ANKRD66: variants seen among roughly 807,000 people sequenced by gnomAD.
The protein encoded by ANKRD66 is ankyrin repeat domain-containing protein 66.
In ANKRD66, 10 loss-of-function variants were observed where a neutral mutation model predicts 10.9. That is an observed-to-expected ratio of 0.91 (90% CI 0.56 to 1.55). The LOEUF is 1.55. ANKRD66 is among the 40% of genes most tolerant of loss of function. ANKRD66 has a pLI of 0.00. For missense variants in ANKRD66, 252 were observed against 242.9 expected (o/e 1.04, Z -0.25); for synonymous variants, 85 against 88.4 (o/e 0.96, Z 0.22).
chr6:46,749,166 G>A (rs1766208841), intron 1 of ANKRD66, among the ~76,000 whole-genome samples: 1 of 152,202 alleles, frequency 6.6e-6, no homozygotes, highest in African/African-American at 2.4e-5. Flanking sequence ...CCACTGCCCA[G>A]GCCCTGCTGG....
rs372121909 is a variant in ANKRD66, at chr6:46,758,933, T to C, written c.*12T>C. 36 of 1,529,204 alleles carry C rather than the reference T, an allele frequency of 2.4e-5. No individual in the cohort carries two copies. In the African/African-American group the frequency reaches 4.1e-4, roughly 17 times the overall value. 94.7% of individuals were successfully genotyped at this position (1,529,204 alleles called of 1,614,324 possible). A position where few individuals can be genotyped will look rare whatever the true frequency, so the allele number is the denominator to read the frequency against. On this transcript the variant is annotated 3_prime_UTR_variant, in exon 5 of 5. Coordinates refer to ENST00000565422, the MANE Select transcript of ANKRD66 (RefSeq NM_001162435.3). ...GGAGGAGAGTATGAGAACTCAACCT[T>C]ATGTTTTCTGGCAAGGAACTTTCCC... is the stretch of plus-strand genomic sequence containing the variant.
rs890291855 is a variant in ANKRD66, at chr6:46,758,883, C to T, written c.553C>T (p.Pro185Ser). Reference sequence around the variant, plus strand: ...TAAAAAGAATAAGAAAAGTCGAGGCCCCACCAGGCCCAGCAATACCAAGGG... The same window carrying T: ...TAAAAAGAATAAGAAAAGTCGAGGCTCCACCAGGCCCAGCAATACCAAGGG... ...MNKKNKKSRG[P>S]TRPSNTKGRR... The change falls in exon 5 of 5, where the codon CCC (proline) becomes TCC (serine). Residue 185 changes from proline to serine, a missense_variant. By Grantham distance (74) the Pro-to-Ser change is moderately conservative (BLOSUM62 -1). Coordinates refer to ENST00000565422, the MANE Select transcript of ANKRD66 (RefSeq NM_001162435.3). The T allele has an allele frequency of 1.3e-4, 197 of 1,551,410 alleles. No homozygotes were observed. Among genetic ancestry groups the T allele is most frequent in the Non-Finnish European group, 1.7e-4 (194 of 1,146,826 alleles).
intron 1 of ANKRD66, among the ~76,000 whole-genome samples, 188 bp downstream of exon 1, chr6:46,747,178 C>A (rs1449303099): frequency 6.6e-6 from 1 of 151,956 alleles, no homozygotes; most frequent in Non-Finnish European, 1.5e-5. Flanking sequence ...ACTAAAGGAA[C>A]CAATTGATAA....
At chr6:46,757,028 C>G (rs1303464833) in intron 4 of ANKRD66, 1 of 152,102 alleles carries the variant, frequency 6.6e-6, no homozygotes, top group Non-Finnish European at 1.5e-5. Flanking sequence ...AACTGAAATG[C>G]AGGAGGGGTG....
At chr6:46,750,197 C>A (rs190926133) in intron 2 of ANKRD66, among the ~76,000 whole-genome samples, 3 of 152,138 alleles carry the variant, frequency 2.0e-5, no homozygotes, top group Non-Finnish European at 4.4e-5. Context: ...CAGCTCTCAA[C>A]CTTTTCGTTC....
At position 46,758,778 on chromosome 6, in the gene ANKRD66, C is replaced by G; in HGVS notation, c.448C>G (p.Leu150Val). ...CGCTGCCCAGCAGAAGGGGCTGCCT[C>G]TGGATGAGCGTGATGAAGACTGGGA... ...RCAAQQKGLP[L>V]DERDEDWDAK... The change falls in exon 5 of 5, where the codon CTG becomes GTG. Residue 150 changes from leucine (L) to valine (V), a missense_variant. By Grantham distance (32) the Leu-to-Val change is conservative. Coordinates refer to ENST00000565422, the MANE Select transcript of ANKRD66 (RefSeq NM_001162435.3). The G allele has an allele frequency of 6.4e-7, 1 of 1,551,282 alleles. No homozygotes were observed. Among genetic ancestry groups the G allele is most frequent in the Admixed American group, 2.0e-5 (1 of 51,004 alleles).
At chr6:46,749,632 T>C (rs1387705921) in intron 1 of ANKRD66, among the ~76,000 whole-genome samples, 4 of 144,344 alleles carry the variant, frequency 2.8e-5, no homozygotes, top group Non-Finnish European at 6.0e-5. Context: ...AAAAGTTTAT[T>C]GACTCTTGGT....
At position 46,758,748 on chromosome 6, in the gene ANKRD66, C is replaced by T. The variant is rs1044176835; in HGVS notation, c.418C>T (p.Arg140Cys). 16 of 1,550,240 alleles carry T rather than the reference C, an allele frequency of 1.0e-5. No homozygotes were observed. Among genetic ancestry groups the T allele is most frequent in the South Asian group, 7.1e-5 (6 of 83,982 alleles). Reference protein sequence around the residue: ...EKAEPECQDHRCAAQQKGLPL... With the variant: ...EKAEPECQDHCCAAQQKGLPL... ...GGCAGAGCCCGAGTGCCAGGACCAC[C>T]GTTGCGCTGCCCAGCAGAAGGGGCT... The change falls in exon 5 of 5, where the codon CGT (arginine) becomes TGT (cysteine). Residue 140 changes from arginine to cysteine, a missense_variant. Coordinates refer to ENST00000565422, the MANE Select transcript of ANKRD66 (RefSeq NM_001162435.3).
rs183695721 is a variant in ANKRD66, at chr6:46,758,450, G to A, written c.393-273G>A. On this transcript the variant is annotated intron_variant, in intron 4 of 4. Transcript: ENST00000565422. ...AATCTGCAGGTTGCTCTATAAATGT[G>A]AGCACTTCAAGAATCAGGAGCATTT... The A allele has an allele frequency of 5.4e-4, 180 of 336,308 alleles. 1 individual carries two copies. Among genetic ancestry groups the A allele is most frequent in the African/African-American group, 3.0e-3 (143 of 47,550 alleles). The allele number at this position is 336,308 out of a possible 1,614,324, so 20.8% of individuals were successfully genotyped here.
At chr6:46,747,477 C>T (rs977612023) in intron 1 of ANKRD66, among the ~76,000 whole-genome samples, 1 of 152,196 alleles carries the variant, frequency 6.6e-6, no homozygotes, top group African/African-American at 2.4e-5. Context: ...CCATCGCAGC[C>T]CTAGGCTGCC....
intron 4 of ANKRD66, chr6:46,756,022 T>C: frequency 2.4e-6 from 1 of 414,866 alleles, no homozygotes; most frequent in Non-Finnish European, 4.7e-6. Flanking sequence ...CTTTTTCATC[T>C]TGTAAAACTG....
At chr6:46,754,550 A>C (rs1766342685) in intron 4 of ANKRD66, among the ~76,000 whole-genome samples, 2 of 152,208 alleles carry the variant, frequency 1.3e-5, no homozygotes, top group Non-Finnish European at 2.9e-5. Flanking sequence ...GGAAACTTAG[A>C]ATTCGATTGT....
chr6:46,754,175 A>T (rs1476340993), intron 4 of ANKRD66, among the ~76,000 whole-genome samples: 2 of 152,204 alleles, frequency 1.3e-5, no homozygotes, highest in Non-Finnish European at 2.9e-5. Flanking sequence ...TTTTGATTAT[A>T]CAAAAATTAT....
At position 46,758,951 on chromosome 6, in the gene ANKRD66, A is replaced by G. The variant is rs1190753833; in HGVS notation, c.*30A>G. On this transcript the variant is annotated 3_prime_UTR_variant, in exon 5 of 5. Transcript: ENST00000565422. Reference sequence around the variant, plus strand: ...TCAACCTTATGTTTTCTGGCAAGGAACTTTCCCTGGTGCCAGAAATGAGGC... The same window carrying G: ...TCAACCTTATGTTTTCTGGCAAGGAGCTTTCCCTGGTGCCAGAAATGAGGC... The G allele has an allele frequency of 1.3e-6, 2 of 1,513,128 alleles. No homozygotes were observed. Among genetic ancestry groups the G allele is most frequent in the Admixed American group, 2.2e-5 (1 of 45,728 alleles). 93.7% of individuals were successfully genotyped at this position (1,513,128 alleles called of 1,614,324 possible).
intron 4 of ANKRD66, chr6:46,757,698 T>C (rs923139590): frequency 1.4e-4 from 22 of 152,182 alleles, no homozygotes; most frequent in African/African-American, 5.3e-4. Context: ...TTTCTGAATA[T>C]CCTAGGGAAT....
rs1349109100 is a variant in ANKRD66, at chr6:46,759,041, T to C, written c.*120T>C. 4.1e-6 allele frequency: 4 copies of C among 984,776 alleles called. No individual in the cohort carries two copies. In the African/African-American group the frequency reaches 4.9e-5, roughly 12 times the overall value. The allele number at this position is 984,776 out of a possible 1,614,324, so 61.0% of individuals were successfully genotyped here. A position where few individuals can be genotyped will look rare whatever the true frequency, so the allele number is the denominator to read the frequency against. ...CCCTTACCCACCTGGCTTCTGCCCA[T>C]GGACCTGTCATTAGGTGCTGTCCAC... On this transcript the variant is annotated 3_prime_UTR_variant, in exon 5 of 5. Coordinates refer to ENST00000565422, the MANE Select transcript of ANKRD66 (RefSeq NM_001162435.3).
rs1290992905 is a variant in ANKRD66, at chr6:46,759,302, CAACTGTA to C, written c.*384_*390del. 1 of 157,548 alleles carries C rather than the reference CAACTGTA, an allele frequency of 6.3e-6. No individual in the cohort carries two copies. The highest frequency in any genetic ancestry group is 1.4e-5 in the Non-Finnish European group (1 of 71,978). 9.8% of individuals were successfully genotyped at this position (157,548 alleles called of 1,614,324 possible). On this transcript the variant is annotated 3_prime_UTR_variant, in exon 5 of 5. Coordinates refer to ENST00000565422, the MANE Select transcript of ANKRD66 (RefSeq NM_001162435.3). ...ACATGTGATTATAGGTCTACTTTTTCAACTGTAAATTTGGGAAAATTAAATTCAGATC... is the reference window on the plus strand; with the variant it reads ...ACATGTGATTATAGGTCTACTTTTTCAATTTGGGAAAATTAAATTCAGATC...
In ANKRD66 at chr6:46,747,626, A is replaced by C. The variant is rs543695851; in HGVS notation, c.-97+636A>C. Among the ~76,000 whole-genome samples, 15 of 152,370 alleles carry C rather than the reference A, an allele frequency of 9.8e-5. No individual in the cohort carries two copies. The South Asian group carries it at 1.9e-3, about 19-fold the overall frequency. ...GTTCATCCATAAAGTATGTATCAGT[A>C]CTTCATTCCTTTTTATTGCCAAATA... On this transcript the variant is annotated intron_variant, in intron 1 of 4. Transcript: ENST00000565422.
chr6:46,748,880 G>GT (rs1322185673), intron 1 of ANKRD66, among the ~76,000 whole-genome samples: 1 of 152,160 alleles, frequency 6.6e-6, no homozygotes, highest in Non-Finnish European at 1.5e-5. Context: ...AGCTAGTACC[G>GT]TTGTGAGAAC....
Sources: gnomAD v4.1 joint callset for allele counts (sites outside exome capture counted in the v4.1 genomes callset) on GRCh38, gnomAD v4.1.1 for gene constraint, MANE v1.5 for transcripts, NCBI Gene and HGNC (gene_info 2026-07-23, HGNC 2026-07-21) for gene names.